Variants in LRRTM3 observed in about 807,000 individuals in gnomAD.
LRRTM3 encodes the protein leucine rich repeat transmembrane neuronal 3.
In LRRTM3, 24 loss-of-function variants were observed where a neutral mutation model predicts 44.7. The ratio of observed to expected loss-of-function variants is 0.54; its 90% CI spans 0.39 to 0.76. LRRTM3 has a LOEUF of 0.76. Among genes scored for constraint, LRRTM3 ranks in the 30% least tolerant of loss-of-function variants. LRRTM3 has a pLI of 0.00. For synonymous variants in LRRTM3, 277 were observed against 278.7 expected, an observed-to-expected ratio of 0.99 and a Z score of 0.06; for missense variants, 587 against 702.2, an observed-to-expected ratio of 0.84 and a Z score of 1.85.
intron 2 of LRRTM3, among the ~76,000 whole-genome samples, chr10:66,976,005 C>A (rs533934657): frequency 6.6e-6 from 1 of 152,280 alleles, no homozygotes; most frequent in East Asian, 1.9e-4. Context: ...TTCTTTTCTA[C>A]CAACTGCCCT....
At chr10:67,063,616 G>A (rs1855893631) in intron 2 of LRRTM3, among the ~76,000 whole-genome samples, 1 of 152,194 alleles carries the variant, frequency 6.6e-6, no homozygotes, top group Non-Finnish European at 1.5e-5. Flanking sequence ...TTTAGATAAT[G>A]CATATGACAT....
rs113462294 is a variant in LRRTM3 at position 66,926,236 on chromosome 10, C to T, written c.-348C>T. Reference sequence around the variant, plus strand: ...GCCTGGAAGAATACATCATGTTTTTCGATAAGAAGAAATTGTAGGATCCAG... The same window carrying T: ...GCCTGGAAGAATACATCATGTTTTTTGATAAGAAGAAATTGTAGGATCCAG... On this transcript the variant is annotated 5_prime_UTR_variant, in exon 1 of 3. An upstream open reading frame in the 5' UTR gains an earlier in-frame stop. Transcript: ENST00000361320. The T allele has an allele frequency of 9.7e-4, 445 of 459,136 alleles. 1 individual carries two copies. The highest frequency in any genetic ancestry group is 7.7e-3 in the African/African-American group (382 of 49,868). The allele number at this position is 459,136 out of a possible 1,614,324, so 28.4% of individuals were successfully genotyped here. A position where few individuals can be genotyped will look rare whatever the true frequency, so the allele number is the denominator to read the frequency against.
chr10:67,096,942 A>G (rs897866221), intron 2 of LRRTM3, among the ~76,000 whole-genome samples: 2 of 151,916 alleles, frequency 1.3e-5, no homozygotes, highest in African/African-American at 4.8e-5. Context: ...TTCATGATAA[A>G]ATAAATATTA....
chr10:66,953,251 C>T (rs1848629032), intron 2 of LRRTM3, among the ~76,000 whole-genome samples: 1 of 152,164 alleles, frequency 6.6e-6, no homozygotes, highest in Non-Finnish European at 1.5e-5. Context: ...CTTCTGATAT[C>T]ACAGAAAAGT....
intron 2 of LRRTM3, among the ~76,000 whole-genome samples, chr10:67,034,799 C>A (rs1853942056): frequency 1.3e-5 from 2 of 152,184 alleles, no homozygotes; most frequent in Non-Finnish European, 2.9e-5. Context: ...GACCCCCAAC[C>A]TACCATATCA....
At chr10:67,049,501 T>A (rs1403672025) in intron 2 of LRRTM3, among the ~76,000 whole-genome samples, 2 of 152,148 alleles carry the variant, frequency 1.3e-5, no homozygotes, top group Admixed American at 1.3e-4. Context: ...TACAAAAATT[T>A]ACTCACCCAG....
At chr10:67,086,529 C>CCAAA (rs745974567) in intron 2 of LRRTM3, among the ~76,000 whole-genome samples, 46 of 151,956 alleles carry the variant, frequency 3.0e-4, no homozygotes, top group Non-Finnish European at 5.2e-4. Flanking sequence ...CCAAGTCCTG[C>CCAAA]CAAAGCAGGA....
chr10:67,083,879 A>G (rs1275905091), intron 2 of LRRTM3, among the ~76,000 whole-genome samples: 1 of 152,186 alleles, frequency 6.6e-6, no homozygotes, highest in East Asian at 1.9e-4. Context: ...TAATCAAAGC[A>G]AAATTTAAAA....
chr10:67,036,055 C>G (rs1185819446), intron 2 of LRRTM3, among the ~76,000 whole-genome samples: 1 of 152,136 alleles, frequency 6.6e-6, no homozygotes, highest in South Asian at 2.1e-4. Context: ...CATCTTCTAA[C>G]CTCTTTAGGC....
chr10:66,942,607 C>CGT lies in LRRTM3; in HGVS notation c.1536+14163_1536+14164dup, dbSNP rs532361291. On this transcript the variant is annotated intron_variant, in intron 2 of 2. Transcript: ENST00000361320. ...GTGTGTATGTGTGTGTGTGTGTCTGCGTGTGTGTGCATGTGTCTCTCTCTT... is the reference window on the plus strand; with the variant it reads ...GTGTGTATGTGTGTGTGTGTGTCTGCGTGTGTGTGTGCATGTGTCTCTCTCTT... Among the ~76,000 whole-genome samples, 443 of 149,178 alleles carry CGT rather than the reference C, an allele frequency of 3.0e-3. 2 individuals are homozygous for CGT. Among genetic ancestry groups the CGT allele is most frequent in the African/African-American group, 0.01 (425 of 40,602 alleles).
chr10:66,955,608 G>C (rs1589486523), intron 2 of LRRTM3, among the ~76,000 whole-genome samples: 1 of 152,108 alleles, frequency 6.6e-6, no homozygotes, highest in South Asian at 2.1e-4. Flanking sequence ...ATAAATGTTG[G>C]ATGAATGGAT....
At chr10:67,037,574 T>C (rs7911404) in intron 2 of LRRTM3, among the ~76,000 whole-genome samples, 152,235 of 152,240 alleles carry the variant, frequency 1, 76,115 homozygotes, top group Non-Finnish European at 1. Context: ...TTGAATGAAG[T>C]ATGACTGGAT....
chr10:66,962,685 A>C (rs1043447043), intron 2 of LRRTM3, among the ~76,000 whole-genome samples: 2 of 152,062 alleles, frequency 1.3e-5, no homozygotes, highest in African/African-American at 2.4e-5. Context: ...TGCTGGGATT[A>C]CAGGCGTGAG....
chr10:66,995,965 C>T (rs1851308266), intron 2 of LRRTM3, among the ~76,000 whole-genome samples: 1 of 152,162 alleles, frequency 6.6e-6, no homozygotes, highest in South Asian at 2.1e-4. Flanking sequence ...ATCCTATAAA[C>T]ATAAATTATT....
intron 2 of LRRTM3, among the ~76,000 whole-genome samples, chr10:67,074,237 G>T (rs1409193438): frequency 6.7e-6 from 1 of 150,326 alleles, no homozygotes. Flanking sequence ...TTCACCATTT[G>T]GCCAGGATGG....
chr10:67,062,240 C>A (rs777674207), intron 2 of LRRTM3, among the ~76,000 whole-genome samples: 7 of 152,120 alleles, frequency 4.6e-5, no homozygotes, highest in Non-Finnish European at 1.0e-4. Flanking sequence ...CTAAACCTTA[C>A]TCAGTGTGAT....
intron 2 of LRRTM3, chr10:67,012,905 A>T (rs781407646): frequency 1.3e-5 from 2 of 152,194 alleles, no homozygotes; most frequent in Non-Finnish European, 2.9e-5. Flanking sequence ...ATCATTAATT[A>T]GCAGCAAAGA....
At chr10:66,976,472 G>T (rs917527344) in intron 2 of LRRTM3, among the ~76,000 whole-genome samples, 3 of 151,996 alleles carry the variant, frequency 2.0e-5, no homozygotes, top group South Asian at 2.1e-4. Flanking sequence ...TTTTTCTATA[G>T]ATTACTCCAA....
At chr10:67,004,925 T>G (rs185109583) in intron 2 of LRRTM3, among the ~76,000 whole-genome samples, 10 of 152,156 alleles carry the variant, frequency 6.6e-5, no homozygotes, top group Non-Finnish European at 1.3e-4. Flanking sequence ...AGAACAGATT[T>G]TGTTGTTAGG....
Sources: allele counts gnomAD v4.1 joint callset (sites outside exome capture counted in the v4.1 genomes callset), GRCh38; gene constraint gnomAD v4.1.1; transcripts MANE v1.5; gene names NCBI Gene and HGNC (gene_info 2026-07-23, HGNC 2026-07-21).